UHRF2: variants seen among roughly 807,000 people sequenced by gnomAD.
UHRF2 encodes E3 ubiquitin-protein ligase UHRF2.
UHRF2 carries 23 observed loss-of-function variants against 96.8 expected under a neutral mutation model. That is an observed-to-expected ratio of 0.24 (90% CI 0.17 to 0.34). The LOEUF (loss-of-function observed/expected upper bound fraction) is 0.34, where lower values mean the gene tolerates loss of function less well. Among genes scored for constraint, UHRF2 ranks in the 10% least tolerant of loss-of-function variants. The pLI is 1.00. For missense variants in UHRF2, 685 were observed against 981.5 expected, an observed-to-expected ratio of 0.70 and a Z score of 4.04; for synonymous variants, 385 against 332.6, an observed-to-expected ratio of 1.16 and a Z score of -1.72.
chr9:6,479,324 A>C (rs1022918569), intron 6 of UHRF2, among the ~76,000 whole-genome samples: 1 of 151,994 alleles, frequency 6.6e-6, no homozygotes, highest in African/African-American at 2.4e-5. Flanking sequence ...CTCATTCCTT[A>C]CTCAACTGCT....
chr9:6,419,719 A>G (rs1020252911), intron 1 of UHRF2, among the ~76,000 whole-genome samples: 2 of 152,104 alleles, frequency 1.3e-5, no homozygotes, highest in Admixed American at 1.3e-4. Context: ...CACAGCCACA[A>G]TGAAACATTT....
At chr9:6,469,697 T>TATAC (rs759672070) in intron 4 of UHRF2, among the ~76,000 whole-genome samples, 2 of 148,070 alleles carry the variant, frequency 1.4e-5, no homozygotes. Context: ...TATACACGTA[T>TATAC]ATACATACAT....
chr9:6,424,714 G>C (rs1315932560), intron 2 of UHRF2, among the ~76,000 whole-genome samples: 2 of 150,862 alleles, frequency 1.3e-5, no homozygotes, highest in African/African-American at 4.9e-5. Context: ...AATCCCACTA[G>C]GATACTATAC....
chr9:6,495,498 A>G (rs1161695875), intron 10 of UHRF2: 2 of 152,224 alleles, frequency 1.3e-5, no homozygotes, highest in African/African-American at 4.8e-5. Context: ...TTTGCCCAGT[A>G]GTGTATGGTT....
At chr9:6,426,072 T>G (rs957925867) in intron 2 of UHRF2, among the ~76,000 whole-genome samples, 1 of 152,218 alleles carries the variant, frequency 6.6e-6, no homozygotes, top group South Asian at 2.1e-4. Context: ...TTAATCAAAG[T>G]TCAGCAGTTT....
intron 3 of UHRF2, among the ~76,000 whole-genome samples, chr9:6,450,032 T>TATAG (rs1316060997): frequency 6.6e-6 from 1 of 152,224 alleles, no homozygotes; most frequent in Admixed American, 6.5e-5. Flanking sequence ...CAGCCATGGG[T>TATAG]ATAGCTTCAT....
chr9:6,452,890 T>A (rs1262403600), intron 3 of UHRF2, among the ~76,000 whole-genome samples: 1 of 152,204 alleles, frequency 6.6e-6, no homozygotes, highest in Admixed American at 6.5e-5. Flanking sequence ...TTTTAAAATA[T>A]GTGTAGCTGA....
At chr9:6,442,134 T>C (rs1397778006) in intron 3 of UHRF2, among the ~76,000 whole-genome samples, 1 of 152,060 alleles carries the variant, frequency 6.6e-6, no homozygotes, top group Non-Finnish European at 1.5e-5. Context: ...CTGGCTAGTT[T>C]TGGTGTTTTT....
chr9:6,436,112 A>G (rs2130775513), intron 3 of UHRF2, among the ~76,000 whole-genome samples: 1 of 152,240 alleles, frequency 6.6e-6, no homozygotes, highest in East Asian at 1.9e-4. Context: ...GGAAAATATT[A>G]TGCTACCAAA....
rs779409923 is a variant in UHRF2, at chr9:6,506,046, G to A, written c.2276G>A (p.Arg759His). 5.6e-6 allele frequency: 9 copies of A among 1,613,906 alleles called. No homozygotes were observed. Among genetic ancestry groups the A allele is most frequent in the Admixed American group, 3.3e-5 (2 of 59,986 alleles). The change falls in exon 16 of 16, where the codon CGC (arginine) becomes CAC (histidine). Residue 759 changes from arginine (R) to histidine (H), a missense_variant. Arg to His is a conservative substitution (Grantham distance 29, BLOSUM62 0). This residue lies in a region of UHRF2 where 71 missense variants were observed against 114.1 expected (regional missense o/e 0.62). Transcript: ENST00000276893. ...FHNVCKDCLQ[R>H]SFKAQVFSCP... ...TTTTTACCATAGGATTGCCTACAGC[G>A]CTCCTTTAAGGCACAGGTTTTCTCC... is the stretch of plus-strand genomic sequence containing the variant.
chr9:6,415,659 A>T (rs1819557072), intron 1 of UHRF2: 2 of 152,202 alleles, frequency 1.3e-5, no homozygotes, highest in African/African-American at 4.8e-5. Flanking sequence ...TAGACAATAC[A>T]TTTATTTTTA....
At chr9:6,461,105 A>C (rs936619768) in intron 4 of UHRF2, among the ~76,000 whole-genome samples, 2 of 152,184 alleles carry the variant, frequency 1.3e-5, no homozygotes, top group African/African-American at 4.8e-5. Flanking sequence ...GCATTTTAAT[A>C]ACTATAATTG....
chr9:6,421,111 G>A lies in UHRF2; in HGVS notation c.353G>A (p.Arg118His), dbSNP rs757909807. ...CAGCCATCTACATCAGCTCGTGCCC[G>A]TCTTATTGATCCTGGCTTTGGAATA... is the stretch of plus-strand genomic sequence containing the variant. ...SNQPSTSARA[R>H]LIDPGFGIYK... Residue 118 changes from arginine to histidine, a missense_variant, in exon 2 of 16, where the codon CGT becomes CAT. By Grantham distance (29) the Arg-to-His change is conservative. Coordinates refer to ENST00000276893, the MANE Select transcript of UHRF2 (RefSeq NM_152896.3). 19 of 1,613,796 alleles carry A rather than the reference G, an allele frequency of 1.2e-5. No homozygotes were observed. Among genetic ancestry groups the A allele is most frequent in the Admixed American group, 5.0e-5 (3 of 59,974 alleles).
At chr9:6,463,066 G>C (rs1474963849) in intron 4 of UHRF2, among the ~76,000 whole-genome samples, 2 of 152,148 alleles carry the variant, frequency 1.3e-5, no homozygotes, top group Non-Finnish European at 2.9e-5. Flanking sequence ...TGGATCACCT[G>C]AGGTCAGGAG....
intron 2 of UHRF2, among the ~76,000 whole-genome samples, chr9:6,425,000 C>G (rs1290088065): frequency 6.6e-6 from 1 of 152,086 alleles, no homozygotes; most frequent in Admixed American, 6.6e-5. Flanking sequence ...AACATTAACA[C>G]TGATGTGAAC....
intron 3 of UHRF2, among the ~76,000 whole-genome samples, chr9:6,446,423 G>A (rs996836408): frequency 2.0e-5 from 3 of 151,060 alleles, no homozygotes; most frequent in Admixed American, 6.6e-5. Context: ...GTTTACAGGC[G>A]TGAGCCACCA....
At chr9:6,480,298 T>A (rs1823843975) in intron 6 of UHRF2, among the ~76,000 whole-genome samples, 1 of 152,242 alleles carries the variant, frequency 6.6e-6, no homozygotes, top group South Asian at 2.1e-4. Flanking sequence ...CACTTAACAC[T>A]TTCTGAAATT....
At chr9:6,477,179 G>C (rs974536754) in intron 5 of UHRF2, among the ~76,000 whole-genome samples, 4 of 151,998 alleles carry the variant, frequency 2.6e-5, no homozygotes, top group Admixed American at 6.6e-5. Flanking sequence ...GCTGCAGTGA[G>C]CTAAGATTGG....
At position 6,506,711 on chromosome 9, in the gene UHRF2, C is replaced by G. The variant is rs1364311673; in HGVS notation, c.*532C>G. ...GGACAGGTTCATTTTTTTTAGCCCA[C>G]TTTGTGAACTCCATTGTGCTTTTTT... On this transcript the variant is annotated 3_prime_UTR_variant, in exon 16 of 16. Coordinates refer to ENST00000276893, the MANE Select transcript of UHRF2 (RefSeq NM_152896.3). 1 of 152,768 alleles carries G rather than the reference C, an allele frequency of 6.5e-6. No individual in the cohort carries two copies. The highest frequency in any genetic ancestry group is 1.9e-4 in the East Asian group (1 of 5,202). The allele number at this position is 152,768 out of a possible 1,614,324, so 9.5% of individuals were successfully genotyped here.
Sources: allele counts gnomAD v4.1 joint callset (sites outside exome capture counted in the v4.1 genomes callset), GRCh38; gene constraint gnomAD v4.1.1; regional missense constraint gnomAD v4.1.1; transcripts MANE v1.5; gene names NCBI Gene and HGNC (gene_info 2026-07-23, HGNC 2026-07-21).